Variants in SEMA4D observed in about 807,000 individuals in gnomAD.
SEMA4D encodes the protein semaphorin 4D.
In SEMA4D, 22 loss-of-function variants were observed where a neutral mutation model predicts 74.8. The observed-to-expected ratio is 0.29, with a 90% CI of 0.21 to 0.42. SEMA4D has a LOEUF of 0.42. SEMA4D is among the 10% of genes least tolerant of loss of function. SEMA4D has a pLI of 1.00. For missense variants in SEMA4D, 937 were observed against 1,118.4 expected (o/e 0.84, Z 2.31); for synonymous variants, 445 against 463.7 (o/e 0.96, Z 0.52).
chr9:89,455,135 G>C (rs1588023798), intron 2 of SEMA4D, among the ~76,000 whole-genome samples: 1 of 152,268 alleles, frequency 6.6e-6, no homozygotes, highest in East Asian at 1.9e-4. Flanking sequence ...CCTCATCCAT[G>C]ACAGGGAGGG....
chr9:89,405,388 T>C lies in SEMA4D; in HGVS notation c.69A>G (p.Ala23=). ...ALAVMFGTAM[A]FAPIPRITWE... ...AGGTGATCCGGGGTATGGGTGCAAATGCCATCGCTGTCCCAAACATCACTG... is the reference window on the plus strand; with the variant it reads ...AGGTGATCCGGGGTATGGGTGCAAACGCCATCGCTGTCCCAAACATCACTG... Residue 23 remains alanine, a synonymous_variant, in exon 3 of 16, where the codon GCA becomes GCG. Transcript: ENST00000422704. The C allele has an allele frequency of 1.2e-5, 19 of 1,614,094 alleles. No homozygotes were observed. Among genetic ancestry groups the C allele is most frequent in the Non-Finnish European group, 1.5e-5 (18 of 1,179,982 alleles).
intron 1 of SEMA4D, chr9:89,497,242 G>A (rs2136319279): frequency 6.6e-6 from 1 of 152,432 alleles, no homozygotes; most frequent in East Asian, 1.9e-4. Context: ...TGCAACAGGT[G>A]CAGCCCAAGC....
intron 2 of SEMA4D, among the ~76,000 whole-genome samples, chr9:89,433,333 G>A (rs1849679010): frequency 6.6e-6 from 1 of 152,210 alleles, no homozygotes; most frequent in South Asian, 2.1e-4. Flanking sequence ...ACTTCCAGGG[G>A]GGCCAGGCGG....
intron 2 of SEMA4D, among the ~76,000 whole-genome samples, chr9:89,453,283 G>A (rs1055891179): frequency 1.3e-5 from 2 of 152,206 alleles, no homozygotes; most frequent in East Asian, 1.9e-4. Context: ...AATGCAGGCG[G>A]TATCAAAACA....
chr9:89,394,833 C>T (rs1033809297), intron 6 of SEMA4D, among the ~76,000 whole-genome samples: 1 of 152,204 alleles, frequency 6.6e-6, no homozygotes, highest in African/African-American at 2.4e-5. Flanking sequence ...GAAATCTGAA[C>T]GGGGACTGGA....
intron 1 of SEMA4D, among the ~76,000 whole-genome samples, chr9:89,485,072 G>A (rs1252133499): frequency 1.3e-5 from 2 of 152,042 alleles, no homozygotes; most frequent in African/African-American, 4.8e-5. Flanking sequence ...TCCATAACAA[G>A]TATTGTTGCA....
intron 5 of SEMA4D, 119 bp downstream of exon 5, chr9:89,399,157 G>C: frequency 1.2e-6 from 1 of 815,366 alleles, no homozygotes; most frequent in Non-Finnish European, 2.1e-6. Flanking sequence ...AAGCCCAGCA[G>C]AATGAACAGA....
chr9:89,399,161 G>T, intron 5 of SEMA4D, 115 bp downstream of exon 5: 1 of 846,172 alleles, frequency 1.2e-6, no homozygotes, highest in Non-Finnish European at 2.0e-6. Context: ...CCAGCAGAAT[G>T]AACAGAGCCT....
At chr9:89,496,428 C>T (rs1826016649) in intron 1 of SEMA4D, among the ~76,000 whole-genome samples, 1 of 152,218 alleles carries the variant, frequency 6.6e-6, no homozygotes, top group African/African-American at 2.4e-5. Flanking sequence ...AGGGCTGCTC[C>T]TGGCACCAGT....
At chr9:89,420,665 C>T (rs1846733689) in intron 2 of SEMA4D, among the ~76,000 whole-genome samples, 1 of 152,232 alleles carries the variant, frequency 6.6e-6, no homozygotes, top group African/African-American at 2.4e-5. Flanking sequence ...TAAGCAGGGA[C>T]CTGGTGTTCT....
At chr9:89,384,786 C>T (rs898850289) in intron 13 of SEMA4D, 84 of 985,260 alleles carry the variant, frequency 8.5e-5, no homozygotes, top group Middle Eastern at 5.2e-4. Flanking sequence ...TGCTGATCAC[C>T]GTGAGAGAGC....
chr9:89,480,563 G>C (rs1346714583), intron 1 of SEMA4D, among the ~76,000 whole-genome samples: 1 of 152,252 alleles, frequency 6.6e-6, no homozygotes, highest in African/African-American at 2.4e-5. Context: ...GCCCTGCCCC[G>C]TGGGAAGGCA....
In SEMA4D at chr9:89,442,185, C is replaced by T. The variant is rs375300499; in HGVS notation, c.-244+13703G>A. Among the ~76,000 whole-genome samples the T allele has an allele frequency of 1.5e-3, 209 of 137,586 alleles. 1 individual carries two copies. Among genetic ancestry groups the T allele is most frequent in the African/African-American group, 5.2e-3 (195 of 37,412 alleles). The allele number at this position is 137,586 out of a possible 152,430, so 90.3% of individuals were successfully genotyped here. On this transcript the variant is annotated intron_variant, in intron 2 of 15. Transcript: ENST00000422704. ...TTCAGGCCAGAGACATGGTTTGCTGCGCCGTACGGCCCAGGTCAAGGTCAC... is the reference window on the plus strand; with the variant it reads ...TTCAGGCCAGAGACATGGTTTGCTGTGCCGTACGGCCCAGGTCAAGGTCAC...
At chr9:89,479,294 C>T (rs182023690) in intron 1 of SEMA4D, among the ~76,000 whole-genome samples, 365 of 152,334 alleles carry the variant, frequency 2.4e-3, no homozygotes, top group Non-Finnish European at 4.4e-3. Context: ...GACAGACACC[C>T]TGCATCTCAG....
At chr9:89,420,227 GCCCAGGC>G (rs969958599) in intron 2 of SEMA4D, among the ~76,000 whole-genome samples, 3 of 152,070 alleles carry the variant, frequency 2.0e-5, no homozygotes, top group African/African-American at 7.2e-5. Context: ...TTAGTGAATT[GCCCAGGC>G]CCCAACCCCG....
At chr9:89,384,848 C>A (rs1160800211) in intron 13 of SEMA4D, 1 of 985,314 alleles carries the variant, frequency 1.0e-6, no homozygotes, top group African/African-American at 1.7e-5. Context: ...CCACTTCCTG[C>A]TGCCATGGCC....
intron 2 of SEMA4D, among the ~76,000 whole-genome samples, chr9:89,425,371 G>A (rs1171307888): frequency 6.6e-6 from 1 of 152,236 alleles, no homozygotes; most frequent in Non-Finnish European, 1.5e-5. Context: ...GGTCTCCTGG[G>A]GGAAAATGTA....
In SEMA4D at chr9:89,466,588, G is replaced by C. The variant is rs115009093; in HGVS notation, c.-309-10635C>G. Among the ~76,000 whole-genome samples, 1,415 of 152,204 alleles carry C rather than the reference G, an allele frequency of 9.3e-3. 10 individuals carry two copies. The highest frequency in any genetic ancestry group is 0.024 in the Middle Eastern group (7 of 294). ...ATCATCGAGGGAGCACACAGCCCCC[G>C]TGTGCACAAGGTCATGCTCCAGAAG... On this transcript the variant is annotated intron_variant, in intron 1 of 15. Coordinates refer to ENST00000422704, the MANE Select transcript of SEMA4D (RefSeq NM_001371194.2).
At chr9:89,398,049 CAG>C (rs1841380804) in intron 5 of SEMA4D, among the ~76,000 whole-genome samples, 10 of 152,198 alleles carry the variant, frequency 6.6e-5, no homozygotes, top group Admixed American at 6.5e-4. Flanking sequence ...TCTAGGCAGA[CAG>C]GGGCAGGTCC....
Sources: gnomAD v4.1 joint callset for allele counts (sites outside exome capture counted in the v4.1 genomes callset) on GRCh38, gnomAD v4.1.1 for gene constraint, MANE v1.5 for transcripts, NCBI Gene and HGNC (gene_info 2026-07-23, HGNC 2026-07-21) for gene names.